Variants in RASGRP3 observed in about 807,000 individuals in gnomAD.
RASGRP3 encodes the protein RAS guanyl releasing protein 3.
RASGRP3 carries 54 observed loss-of-function variants against 82.7 expected under a neutral mutation model. The observed-to-expected ratio is 0.65, with a 90% CI of 0.52 to 0.82. The LOEUF (loss-of-function observed/expected upper bound fraction) is 0.82, where lower values mean the gene tolerates loss of function less well. Among genes scored for constraint, RASGRP3 ranks in the 40% least tolerant of loss-of-function variants. The probability of loss-of-function intolerance (pLI) is 0.00; values close to 1 mark genes in which losing one functional copy is unlikely to be tolerated. For missense variants in RASGRP3, 861 were observed against 828.9 expected, an observed-to-expected ratio of 1.04 and a Z score of -0.48; for synonymous variants, 309 against 300.5, an observed-to-expected ratio of 1.03 and a Z score of -0.29.
intron 2 of RASGRP3, among the ~76,000 whole-genome samples, chr2:33,514,458 C>G (rs533642590): frequency 1.3e-4 from 16 of 125,164 alleles, no homozygotes; most frequent in African/African-American, 4.6e-4. Flanking sequence ...TGCTTGAACT[C>G]AGGAGTTTGA....
At chr2:33,499,039 T>C (rs1448588262) in intron 1 of RASGRP3, among the ~76,000 whole-genome samples, 3 of 152,194 alleles carry the variant, frequency 2.0e-5, no homozygotes, top group Non-Finnish European at 4.4e-5. Context: ...ACTATGAGCC[T>C]GTTAATATAA....
At position 33,562,886 on chromosome 2, in the gene RASGRP3, G is replaced by A; in HGVS notation, c.*149G>A. 1 of 1,013,218 alleles carries A rather than the reference G, an allele frequency of 9.9e-7. No homozygotes were observed. Among genetic ancestry groups the A allele is most frequent in the Non-Finnish European group, 1.4e-6 (1 of 689,932 alleles). 62.8% of individuals were successfully genotyped at this position (1,013,218 alleles called of 1,614,324 possible). The stretch of plus-strand genomic sequence containing the variant: ...GGGACACTGTGGGATCTCCATGTTT[G>A]GACTATGGGACAGAGAATTGACCCT... On this transcript the variant is annotated 3_prime_UTR_variant, in exon 18 of 18. Transcript: ENST00000403687.
chr2:33,478,999 T>C (rs1055413778), intron 1 of RASGRP3, among the ~76,000 whole-genome samples: 7 of 152,166 alleles, frequency 4.6e-5, no homozygotes, highest in African/African-American at 9.7e-5. Context: ...CCTTAGTTAC[T>C]TGACCATATG....
intron 1 of RASGRP3, among the ~76,000 whole-genome samples, chr2:33,492,165 T>C (rs982910014): frequency 1.1e-4 from 16 of 152,326 alleles, no homozygotes; most frequent in Non-Finnish European, 1.6e-4. Context: ...CCTTTTGCAT[T>C]GGGCAAGTCC....
chr2:33,447,438 A>C (rs1665562668), intron 1 of RASGRP3, among the ~76,000 whole-genome samples: 1 of 128,434 alleles, frequency 7.8e-6, no homozygotes, highest in Non-Finnish European at 1.9e-5. Flanking sequence ...TGGAGTGTGC[A>C]CATTTTTTTT....
At chr2:33,520,084 C>T (rs375539955) in intron 5 of RASGRP3, 70 bp downstream of exon 5, 1 of 1,271,338 alleles carries the variant, frequency 7.9e-7, no homozygotes, top group East Asian at 2.5e-5. Context: ...TCCTTTTCCC[C>T]AAGCTGCAGA....
chr2:33,495,707 C>T (rs930227582), intron 1 of RASGRP3, among the ~76,000 whole-genome samples: 1 of 152,280 alleles, frequency 6.6e-6, no homozygotes, highest in African/African-American at 2.4e-5. Context: ...GTCAGGGAAA[C>T]ATAATGAGAC....
chr2:33,547,028 A>G (rs1674830432), intron 13 of RASGRP3, among the ~76,000 whole-genome samples: 1 of 148,080 alleles, frequency 6.8e-6, no homozygotes, highest in Non-Finnish European at 1.5e-5. Flanking sequence ...CAGCCTGGGT[A>G]ACAAGAGCGA....
In RASGRP3 at chr2:33,549,631, G is replaced by A. The variant is rs998036130; in HGVS notation, c.1422G>A (p.Met474Ile). ...ATGGCCTAATTAGTAAAGATGAAAT[G>A]ATGGCTTACTTCCTGAGAGCTAAAT... ...DQDGLISKDE[M>I]MAYFLRAKSQ... The change falls in exon 14 of 18, where the codon ATG (methionine) becomes ATA (isoleucine). Residue 474 changes from methionine to isoleucine, a missense_variant. Coordinates refer to ENST00000403687, the MANE Select transcript of RASGRP3 (RefSeq NM_001139488.2). The A allele has an allele frequency of 6.2e-6, 10 of 1,613,230 alleles. No homozygotes were observed. Among genetic ancestry groups the A allele is most frequent in the African/African-American group, 1.3e-5 (1 of 74,898 alleles).
At chr2:33,556,077 T>A (rs1265458865) in intron 15 of RASGRP3, among the ~76,000 whole-genome samples, 1 of 152,146 alleles carries the variant, frequency 6.6e-6, no homozygotes, top group Non-Finnish European at 1.5e-5. Flanking sequence ...TATAAACAAT[T>A]GAATCAAATA....
intron 2 of RASGRP3, among the ~76,000 whole-genome samples, chr2:33,470,640 A>C (rs1667003335): frequency 6.6e-6 from 1 of 152,088 alleles, no homozygotes; most frequent in Non-Finnish European, 1.5e-5. Context: ...CGGCCTCCCA[A>C]AGTGCTGGGA....
chr2:33,551,934 A>T (rs1574489448), intron 14 of RASGRP3, among the ~76,000 whole-genome samples: 2 of 152,288 alleles, frequency 1.3e-5, no homozygotes, highest in Non-Finnish European at 2.9e-5. Flanking sequence ...CGGAGCTTGC[A>T]GCGAGCCAAG....
At chr2:33,515,265 A>G in intron 3 of RASGRP3, 59 bp downstream of exon 3, 1 of 1,549,892 alleles carries the variant, frequency 6.5e-7, no homozygotes, top group Non-Finnish European at 8.9e-7. Context: ...ACTTTCCTCT[A>G]TTCAGAGGCA....
chr2:33,554,638 A>G (rs1483148464), intron 14 of RASGRP3, among the ~76,000 whole-genome samples: 1 of 151,902 alleles, frequency 6.6e-6, no homozygotes, highest in East Asian at 1.9e-4. Context: ...ATGACCAGCT[A>G]ATTTTTTTGT....
At chr2:33,439,876 G>A (rs1665129405) in intron 1 of RASGRP3, among the ~76,000 whole-genome samples, 1 of 152,172 alleles carries the variant, frequency 6.6e-6, no homozygotes. Flanking sequence ...TCTGCCGGTT[G>A]GAGGCAGAAC....
At chr2:33,557,432 G>A (rs567898612) in intron 15 of RASGRP3, among the ~76,000 whole-genome samples, 3 of 152,212 alleles carry the variant, frequency 2.0e-5, no homozygotes, top group South Asian at 4.2e-4. Context: ...AGACAAGGCC[G>A]GGCACGGTGG....
rs1672701120 is a variant in RASGRP3 at position 33,527,540 on chromosome 2, G to A, written c.1083+128G>A. The A allele has an allele frequency of 3.0e-6, 3 of 984,014 alleles. No homozygotes were observed. In the South Asian group the frequency reaches 5.3e-5, roughly 17 times the overall value. The allele number at this position is 984,014 out of a possible 1,614,324, so 61.0% of individuals were successfully genotyped here. A position where few individuals can be genotyped will look rare whatever the true frequency, so the allele number is the denominator to read the frequency against. On this transcript the variant is annotated intron_variant, in intron 10 of 17. Transcript: ENST00000403687. Reference sequence around the variant, plus strand: ...TGGTTTCAGAGTCAATAGATGAGAGGAAATCTCATAGAACAAGGGAAAAGG... The same window carrying A: ...TGGTTTCAGAGTCAATAGATGAGAGAAAATCTCATAGAACAAGGGAAAAGG...
At chr2:33,510,562 C>T (rs888871036) in intron 1 of RASGRP3, among the ~76,000 whole-genome samples, 1 of 152,178 alleles carries the variant, frequency 6.6e-6, no homozygotes, top group African/African-American at 2.4e-5. Flanking sequence ...AAATGAACAC[C>T]TCTCTCCCTT....
chr2:33,503,587 A>T (rs62148983), intron 1 of RASGRP3, among the ~76,000 whole-genome samples: 9,181 of 142,868 alleles, frequency 0.064, 323 homozygotes, highest in South Asian at 0.12. Context: ...ATAATTTTAA[A>T]CACACTTTTT....
Sources: gnomAD v4.1 joint callset for allele counts (sites outside exome capture counted in the v4.1 genomes callset) on GRCh38, gnomAD v4.1.1 for gene constraint, MANE v1.5 for transcripts, NCBI Gene and HGNC (gene_info 2026-07-23, HGNC 2026-07-21) for gene names.